Variants in PNPLA1 observed in about 807,000 individuals in gnomAD.
PNPLA1 encodes omega-hydroxyceramide transacylase.
In PNPLA1, 36 loss-of-function variants were observed where a neutral mutation model predicts 51.7. The ratio of observed to expected loss-of-function variants is 0.70; its 90% CI spans 0.53 to 0.92. The LOEUF (loss-of-function observed/expected upper bound fraction) is 0.92. Ranked by LOEUF, PNPLA1 falls within the 40% of genes least tolerant of loss-of-function variation. The probability of loss-of-function intolerance (pLI) is 0.00; values close to 1 mark genes in which losing one functional copy is unlikely to be tolerated. For missense variants in PNPLA1, 658 were observed against 682.5 expected (o/e 0.96, Z 0.40); for synonymous variants, 293 against 280.1 (o/e 1.05, Z -0.46).
At chr6:36,280,668 C>T (rs563862341) in intron 1 of PNPLA1, among the ~76,000 whole-genome samples, 3 of 152,338 alleles carry the variant, frequency 2.0e-5, no homozygotes, top group Admixed American at 6.5e-5. Context: ...ACAGTTACCA[C>T]ATCATCAGCT....
chr6:36,291,368 C>T lies in PNPLA1; in HGVS notation c.254C>T (p.Ser85Phe). The change falls in exon 2 of 9, where the codon TCC (serine) becomes TTC (phenylalanine). Residue 85 changes from serine (S) to phenylalanine (F), a missense_variant. Transcript: ENST00000636260. ...LNVGVAEVKK[S>F]FLGPLSPSCK... ...GTGGGTGTGGCCGAGGTGAAGAAATCCTTCCTGGGGCCCTTGTCCCCGTCC... is the reference window on the plus strand; with the variant it reads ...GTGGGTGTGGCCGAGGTGAAGAAATTCTTCCTGGGGCCCTTGTCCCCGTCC... 6.2e-7 allele frequency: 1 copy of T among 1,614,068 alleles called. No individual in the cohort carries two copies. Among genetic ancestry groups the T allele is most frequent in the Non-Finnish European group, 8.5e-7 (1 of 1,179,996 alleles).
Position 36,270,533 on chromosome 6 carries a change from CCTT to C in PNPLA1, c.77_79del (p.Phe26del), listed in dbSNP as rs1213357870. ...TCCTTCTCGGGCAGTGGATTCCTCTCCTTCTACCAGGCGGGGGCTGTGGACGCC... is the reference window on the plus strand; with the variant it reads ...TCCTTCTCGGGCAGTGGATTCCTCTCCTACCAGGCGGGGGCTGTGGACGCC... On this transcript the variant is annotated inframe_deletion, in exon 1 of 9. Coordinates refer to ENST00000636260, the MANE Select transcript of PNPLA1 (RefSeq NM_001374623.1). 2 of 1,551,654 alleles carry C rather than the reference CCTT, an allele frequency of 1.3e-6. No individual in the cohort carries two copies. Among genetic ancestry groups the C allele is most frequent in the East Asian group, 2.4e-5 (1 of 40,922 alleles).
At chr6:36,311,017 A>G (rs574032681) in intron 8 of PNPLA1, among the ~76,000 whole-genome samples, 46 of 152,358 alleles carry the variant, frequency 3.0e-4, no homozygotes, top group African/African-American at 8.2e-4. Context: ...TGGGGCACCA[A>G]GAGAAAGGAG....
At chr6:36,297,140 G>A (rs1324773619) in intron 5 of PNPLA1, among the ~76,000 whole-genome samples, 2 of 152,266 alleles carry the variant, frequency 1.3e-5, no homozygotes, top group East Asian at 3.9e-4. Flanking sequence ...TATATGGATG[G>A]GGGCAGGCTT....
At chr6:36,290,980 T>C (rs1344752521) in intron 1 of PNPLA1, among the ~76,000 whole-genome samples, 1 of 152,126 alleles carries the variant, frequency 6.6e-6, no homozygotes, top group African/African-American at 2.4e-5. Flanking sequence ...TGACAAGAAG[T>C]TAGGGAAAGC....
chr6:36,262,592 T>G (rs928538126), intron 1 of PNPLA1, among the ~76,000 whole-genome samples: 10 of 152,224 alleles, frequency 6.6e-5, no homozygotes, highest in African/African-American at 2.2e-4. Context: ...CCCCAGTCCC[T>G]TCCTCAGAAG....
Position 36,281,290 on chromosome 6 carries a change from G to A in PNPLA1, c.206-10030G>A, listed in dbSNP as rs561483352. ...CTTGGATTTCAGTCCTGGCTGCTGG[G>A]TACACTTTCAGAATCAAAATGTCTT... On this transcript the variant is annotated intron_variant, in intron 1 of 8. Transcript: ENST00000636260. 5.3e-5 allele frequency among the ~76,000 whole-genome samples: 8 copies of A among 152,266 alleles called. No individual in the cohort carries two copies. In the East Asian group the frequency reaches 1.4e-3, roughly 26 times the overall value.
chr6:36,246,942 C>G (rs1769302066), intron 1 of PNPLA1, among the ~76,000 whole-genome samples: 1 of 152,240 alleles, frequency 6.6e-6, no homozygotes, highest in Non-Finnish European at 1.5e-5. Context: ...CCTCCCCGCG[C>G]TCACTGCTGT....
Position 36,306,304 on chromosome 6 carries a change from T to C in PNPLA1, c.1397T>C (p.Leu466Pro). Residue 466 changes from leucine to proline, a missense_variant, in exon 7 of 9, where the codon CTT becomes CCT. Physicochemically the swap from Leu to Pro is moderately conservative, Grantham distance 98 (BLOSUM62 -3). Transcript: ENST00000636260. ...GQEQPQAVALLVSSKPKSAVP... is the reference protein window; with the variant it reads ...GQEQPQAVALPVSSKPKSAVP... The stretch of plus-strand genomic sequence containing the variant: ...TCTTTACTTTTAGCTGTAGCTCTTC[T>C]TGTCTCTTCAAAACCAAAAAGCGCC... 1 of 1,612,820 alleles carries C rather than the reference T, an allele frequency of 6.2e-7. No homozygotes were observed. Among genetic ancestry groups the C allele is most frequent in the Non-Finnish European group, 8.5e-7 (1 of 1,179,534 alleles).
chr6:36,297,852 C>T (rs936561855), intron 5 of PNPLA1, among the ~76,000 whole-genome samples: 1 of 123,500 alleles, frequency 8.1e-6, no homozygotes, highest in African/African-American at 3.2e-5. Context: ...TGGTAAGTGA[C>T]TCTGTCTCTC....
intron 1 of PNPLA1, among the ~76,000 whole-genome samples, chr6:36,278,646 G>A (rs1371127903): frequency 6.6e-6 from 1 of 152,158 alleles, no homozygotes. Context: ...TCTTATACAT[G>A]GGGGATCTTG....
chr6:36,260,494 T>C (rs1769623677), intron 1 of PNPLA1, among the ~76,000 whole-genome samples: 1 of 152,230 alleles, frequency 6.6e-6, no homozygotes, highest in African/African-American at 2.4e-5. Context: ...CACATTCACA[T>C]GGTTCAACAT....
At chr6:36,250,755 G>A (rs1769402819) in intron 1 of PNPLA1, among the ~76,000 whole-genome samples, 1 of 152,174 alleles carries the variant, frequency 6.6e-6, no homozygotes, top group Non-Finnish European at 1.5e-5. Flanking sequence ...CCAGGCTAGA[G>A]TGCAGTGGCG....
chr6:36,261,250 A>G (rs1375102409), intron 1 of PNPLA1, among the ~76,000 whole-genome samples: 1 of 152,258 alleles, frequency 6.6e-6, no homozygotes, highest in Non-Finnish European at 1.5e-5. Flanking sequence ...GCTATGATAG[A>G]GAGCACTTGC....
At chr6:36,291,579 GA>G in intron 2 of PNPLA1, 27 bp downstream of exon 2, 2 of 103,656 alleles carry the variant, frequency 1.9e-5, no homozygotes, top group Non-Finnish European at 2.0e-5. Context: ...GGGAGGGAGG[GA>G]CACGGAGGGG....
chr6:36,259,614 T>G (rs893750818), intron 1 of PNPLA1, among the ~76,000 whole-genome samples: 5 of 151,164 alleles, frequency 3.3e-5, no homozygotes, highest in African/African-American at 9.7e-5. Flanking sequence ...AAAAAAACAC[T>G]GTGAGAACCT....
At chr6:36,251,828 C>T (rs112326355) in intron 1 of PNPLA1, among the ~76,000 whole-genome samples, 201 of 152,054 alleles carry the variant, frequency 1.3e-3, no homozygotes, top group African/African-American at 4.8e-3. Flanking sequence ...GTCTGTAGTC[C>T]TAGCTACATG....
At chr6:36,290,194 A>C (rs1265157047) in intron 1 of PNPLA1, among the ~76,000 whole-genome samples, 1 of 152,218 alleles carries the variant, frequency 6.6e-6, no homozygotes, top group Non-Finnish European at 1.5e-5. Flanking sequence ...ACCATAAGAA[A>C]GTTCTACCAT....
intron 1 of PNPLA1, among the ~76,000 whole-genome samples, chr6:36,256,874 C>T (rs1282375199): frequency 6.6e-6 from 1 of 152,134 alleles, no homozygotes; most frequent in Non-Finnish European, 1.5e-5. Context: ...GCTTGAAACT[C>T]AAAGAAGGGC....
Sources: gnomAD v4.1 joint callset for allele counts (sites outside exome capture counted in the v4.1 genomes callset) on GRCh38, gnomAD v4.1.1 for gene constraint, MANE v1.5 for transcripts, NCBI Gene and HGNC (gene_info 2026-07-23, HGNC 2026-07-21) for gene names.